The following OR10J1 variants were observed in gnomAD, a reference collection of about 807,000 sequenced individuals.
OR10J1 encodes olfactory receptor 10J1.
For synonymous variants in OR10J1, 202 were observed against 143.8 expected (o/e 1.40, Z -2.89); for missense variants, 474 against 376.6 (o/e 1.26, Z -2.14).
the OR10J1 span, among the ~76,000 whole-genome samples, chr1:159,413,605 C>G: frequency 6.7e-6 from 1 of 149,662 alleles, no homozygotes; most frequent in Non-Finnish European, 1.5e-5. Context: ...AACCAAACAC[C>G]AAATGTTCTC....
chr1:159,421,620 T>A, the OR10J1 span, among the ~76,000 whole-genome samples: 3 of 152,202 alleles, frequency 2.0e-5, no homozygotes, highest in Non-Finnish European at 4.4e-5. Flanking sequence ...CGTGGGTGCA[T>A]ACAGTGGTGT....
the OR10J1 span, among the ~76,000 whole-genome samples, chr1:159,412,965 G>T: frequency 1.2e-4 from 18 of 151,642 alleles, no homozygotes; most frequent in African/African-American, 2.7e-4. Flanking sequence ...ATCCAGAATC[G>T]ACAATGAACT....
rs570393323 is a variant in OR10J1, at chr1:159,439,819, A to C, written c.28A>C (p.Thr10Pro). MKRENFTLI[T>P]DFVFQGFSSF... The stretch of plus-strand genomic sequence containing the variant: ...GAAAAGAGAGAACTTTACTCTCATC[A>C]CTGACTTTGTTTTCCAAGGTTTCTC... The change falls in exon 1 of 1, where the codon ACT becomes CCT. Residue 10 changes from threonine to proline, a missense_variant. Thr to Pro is a conservative substitution (Grantham distance 38). Transcript: ENST00000423932. 9.2e-5 allele frequency: 149 copies of C among 1,614,108 alleles called. No homozygotes were observed. The South Asian group carries it at 1.5e-3, about 17-fold the overall frequency.
At chr1:159,432,939 T>C (rs774684105), upstream of OR10J1, 1 of 431,362 alleles carries the variant, frequency 2.3e-6, no homozygotes, top group East Asian at 3.3e-5. Context: ...GCCTCACACC[T>C]CACAGTGGTC....
At chr1:159,432,605 A>G in the OR10J1 span, 999 of 468,484 alleles carry the variant, frequency 2.1e-3, 21 homozygotes, top group East Asian at 0.03. Context: ...TACAGTATTC[A>G]GTCATCATGG....
the OR10J1 span, among the ~76,000 whole-genome samples, chr1:159,400,183 C>G: frequency 1.3e-5 from 2 of 151,812 alleles, no homozygotes; most frequent in Non-Finnish European, 2.9e-5. Context: ...TACCCTAAAA[C>G]TTAAAGTATA....
chr1:159,401,756 T>G, the OR10J1 span, among the ~76,000 whole-genome samples: 1 of 152,012 alleles, frequency 6.6e-6, no homozygotes, highest in Non-Finnish European at 1.5e-5. Context: ...AAGGCCAGCA[T>G]TATCCTGATA....
chr1:159,440,134 C>G lies in OR10J1; in HGVS notation c.343C>G (p.Leu115Val), dbSNP rs771056087. 6.2e-7 allele frequency: 1 copy of G among 1,614,050 alleles called. No individual in the cohort carries two copies. Among genetic ancestry groups the G allele is most frequent in the Non-Finnish European group, 8.5e-7 (1 of 1,180,026 alleles). ...VTFGITNCFLLTAMGYDRYVA... is the reference protein window; with the variant it reads ...VTFGITNCFLVTAMGYDRYVA... ...CTTTGGCATCACTAACTGCTTCCTGCTCACAGCAATGGGATATGACCGCTA... is the reference window on the plus strand; with the variant it reads ...CTTTGGCATCACTAACTGCTTCCTGGTCACAGCAATGGGATATGACCGCTA... Residue 115 changes from leucine (L) to valine (V), a missense_variant, in exon 1 of 1, where the codon CTC (leucine) becomes GTC (valine). By Grantham distance (32) the Leu-to-Val change is conservative. Transcript: ENST00000423932.
upstream of OR10J1, among the ~76,000 whole-genome samples, chr1:159,438,454 C>T (rs571516985): frequency 1.3e-5 from 2 of 152,354 alleles, no homozygotes; most frequent in African/African-American, 4.8e-5. Context: ...CTGATTTCAC[C>T]ATAGAGGCAC....
chr1:159,402,290 A>G, the OR10J1 span, among the ~76,000 whole-genome samples: 1 of 152,100 alleles, frequency 6.6e-6, no homozygotes, highest in Non-Finnish European at 1.5e-5. Flanking sequence ...AATAAAGGGC[A>G]TCCAAATTGG....
chr1:159,424,539 CAT>C, the OR10J1 span, among the ~76,000 whole-genome samples: 1,039 of 150,954 alleles, frequency 6.9e-3, 13 homozygotes, highest in African/African-American at 0.018. Context: ...TGTATGCACA[CAT>C]GTTTAATATC....
At chr1:159,412,753 T>A in the OR10J1 span, among the ~76,000 whole-genome samples, 2 of 151,638 alleles carry the variant, frequency 1.3e-5, no homozygotes, top group African/African-American at 2.4e-5. Flanking sequence ...AACCTAGGCG[T>A]TACCATTCAG....
At chr1:159,401,749 G>A in the OR10J1 span, among the ~76,000 whole-genome samples, 108 of 151,908 alleles carry the variant, frequency 7.1e-4, no homozygotes, top group Non-Finnish European at 1.1e-3. Context: ...ATTCTACAAG[G>A]CCAGCATTAT....
At chr1:159,433,443 G>A (rs1655644219), upstream of OR10J1, among the ~76,000 whole-genome samples, 1 of 152,162 alleles carries the variant, frequency 6.6e-6, no homozygotes, top group African/African-American at 2.4e-5. Context: ...ATAAGGTATT[G>A]TAAACCAGCA....
Position 159,440,867 on chromosome 1 carries a change from T to C in OR10J1, c.*146T>C. On this transcript the variant is annotated 3_prime_UTR_variant, in exon 1 of 1. Coordinates refer to ENST00000423932, the MANE Select transcript of OR10J1 (RefSeq NM_012351.3). ...TAGCAGTTTCATACAACTGGGAGTC[T>C]GAAGCTTTAAATAAAGTTACTGGAT... 1 of 814,570 alleles carries C rather than the reference T, an allele frequency of 1.2e-6. No individual in the cohort carries two copies. Among genetic ancestry groups the C allele is most frequent in the Non-Finnish European group, 1.9e-6 (1 of 534,726 alleles). 50.5% of individuals were successfully genotyped at this position (814,570 alleles called of 1,614,324 possible). A position where few individuals can be genotyped will look rare whatever the true frequency, so the allele number is the denominator to read the frequency against.
the OR10J1 span, among the ~76,000 whole-genome samples, chr1:159,426,360 G>A: frequency 1.6e-3 from 241 of 151,770 alleles, 3 homozygotes; most frequent in East Asian, 0.033. Flanking sequence ...AATGGTATTC[G>A]AGCAGATGAA....
upstream of OR10J1, among the ~76,000 whole-genome samples, chr1:159,436,426 C>T (rs763358212): frequency 6.6e-6 from 1 of 152,088 alleles, no homozygotes; most frequent in African/African-American, 2.4e-5. Flanking sequence ...CCTCAAATGT[C>T]TCTCACATGT....
At position 159,439,930 on chromosome 1, in the gene OR10J1, A is replaced by C; in HGVS notation, c.139A>C (p.Thr47Pro). 6.2e-7 allele frequency: 1 copy of C among 1,614,088 alleles called. No homozygotes were observed. Among genetic ancestry groups the C allele is most frequent in the Non-Finnish European group, 8.5e-7 (1 of 1,179,986 alleles). The change falls in exon 1 of 1, where the codon ACC becomes CCC. Residue 47 changes from threonine (T) to proline (P), a missense_variant. Physicochemically the swap from Thr to Pro is conservative, Grantham distance 38 (BLOSUM62 -1). Transcript: ENST00000423932. ...LTLAGNIIIV[T>P]IIRMDLHLHT... ...CTTAGCAGGCAATATCATCATTGTG[A>C]CCATCATCCGAATGGATCTTCATCT...
the OR10J1 span, among the ~76,000 whole-genome samples, chr1:159,404,327 T>C: frequency 6.6e-6 from 1 of 152,118 alleles, no homozygotes; most frequent in East Asian, 1.9e-4. Flanking sequence ...TTCCACCTTT[T>C]AGACAATCCA....
Sources: gnomAD v4.1 joint callset for allele counts (sites outside exome capture counted in the v4.1 genomes callset) on GRCh38, gnomAD v4.1.1 for gene constraint, MANE v1.5 for transcripts, NCBI Gene and HGNC (gene_info 2026-07-23, HGNC 2026-07-21) for gene names.